The following UGT1A8 variants were observed in gnomAD, a reference collection of about 807,000 sequenced individuals.
UGT1A8 encodes UDP glucuronosyltransferase family 1 member A8, also known as UDP-glucuronosyltransferase 1A8.
UGT1A8 carries 39 observed loss-of-function variants against 45.3 expected under a neutral mutation model. The observed-to-expected ratio is 0.86, with a 90% CI of 0.67 to 1.12. The LOEUF (loss-of-function observed/expected upper bound fraction) is 1.12. Ranked by LOEUF, UGT1A8 falls within the 50% of genes most tolerant of loss-of-function variation. The pLI is 0.00. For missense variants in UGT1A8, 719 were observed against 664.9 expected (o/e 1.08, Z -0.90); for synonymous variants, 275 against 249.2 (o/e 1.10, Z -0.97).
intron 1 of UGT1A8, among the ~76,000 whole-genome samples, chr2:233,732,232 C>T (rs2078252352): frequency 6.6e-6 from 1 of 152,176 alleles, no homozygotes; most frequent in South Asian, 2.1e-4. Flanking sequence ...TTCTCCCATT[C>T]TGTAGGTTGC....
At chr2:233,700,394 T>C (rs1004610351) in intron 1 of UGT1A8, among the ~76,000 whole-genome samples, 4 of 152,194 alleles carry the variant, frequency 2.6e-5, no homozygotes, top group African/African-American at 9.7e-5. Context: ...ATGTGGAACA[T>C]TTTGGCAGCA....
chr2:233,729,482 A>G (rs2077866923), intron 1 of UGT1A8: 1 of 1,614,098 alleles, frequency 6.2e-7, no homozygotes, highest in Non-Finnish European at 8.5e-7. Flanking sequence ...ATGTTGAACA[A>G]TATGTCTTTG....
intron 1 of UGT1A8, chr2:233,713,035 G>A: frequency 5.0e-6 from 8 of 1,613,988 alleles, no homozygotes; most frequent in Non-Finnish European, 6.8e-6. Context: ...CTGGCCACAG[G>A]ACTGCTGCTT....
chr2:233,661,623 T>TTTTCTTTCTCTTTC (rs1553602619), intron 1 of UGT1A8, among the ~76,000 whole-genome samples: 1 of 124,046 alleles, frequency 8.1e-6, no homozygotes, highest in Admixed American at 8.3e-5. Flanking sequence ...ACTTACTGAA[T>TTTTCTTTCTCTTTC]TTTCTTTCTT....
Position 233,725,255 on chromosome 2 carries a change from A to AGAGGCAGAG in UGT1A8, c.856-41768_856-41760dup, listed in dbSNP as rs1488139555. 3.1e-5 allele frequency among the ~76,000 whole-genome samples: 2 copies of AGAGGCAGAG among 63,970 alleles called. 1 individual carries two copies. The highest frequency in any genetic ancestry group is 5.4e-5 in the Non-Finnish European group (2 of 36,928). The allele number at this position is 63,970 out of a possible 152,430, so 42.0% of individuals were successfully genotyped here. A position where few individuals can be genotyped will look rare whatever the true frequency, so the allele number is the denominator to read the frequency against. ...CAGAGGAGGCAGAGGCAGAGGAGGC[A>AGAGGCAGAG]GAGGCAGAGGAGGCAGAGGCAGAGG... is the stretch of plus-strand genomic sequence containing the variant. On this transcript the variant is annotated intron_variant, in intron 1 of 4. Coordinates refer to ENST00000373450, the MANE Select transcript of UGT1A8 (RefSeq NM_019076.5).
At chr2:233,743,936 C>A in intron 1 of UGT1A8, 1 of 1,355,864 alleles carries the variant, frequency 7.4e-7, no homozygotes, top group Non-Finnish European at 9.9e-7. Flanking sequence ...CCAGAACGGC[C>A]CACCAGGCAC....
chr2:233,704,256 C>CA (rs1553607929), intron 1 of UGT1A8, among the ~76,000 whole-genome samples: 1 of 123,680 alleles, frequency 8.1e-6, no homozygotes, highest in Non-Finnish European at 1.6e-5. Flanking sequence ...GCCTTTATTG[C>CA]TTTTTTTTTT....
At chr2:233,628,333 C>T (rs981064812) in intron 1 of UGT1A8, among the ~76,000 whole-genome samples, 1 of 151,674 alleles carries the variant, frequency 6.6e-6, no homozygotes, top group Non-Finnish European at 1.5e-5. Context: ...TTTTTTCAAA[C>T]TGTTAGAAAT....
chr2:233,683,078 C>T (rs1475851543), intron 1 of UGT1A8, among the ~76,000 whole-genome samples: 1 of 152,052 alleles, frequency 6.6e-6, no homozygotes, highest in East Asian at 1.9e-4. Flanking sequence ...AGAAATGAAA[C>T]TTCCCTTTTT....
In UGT1A8 at chr2:233,646,092, A is replaced by C. The variant is rs375138594; in HGVS notation, c.855+27530A>C. 6.8e-4 allele frequency among the ~76,000 whole-genome samples: 104 copies of C among 152,296 alleles called. 1 individual carries two copies. Among genetic ancestry groups the C allele is most frequent in the Non-Finnish European group, 1.0e-4 (7 of 68,016 alleles). On this transcript the variant is annotated intron_variant, in intron 1 of 4. Transcript: ENST00000373450. Reference sequence around the variant, plus strand: ...TGTGCACCCACAGTCTCAACCCCACATGGAAGCTGCCAAGGCTCGGCACTT... The same window carrying C: ...TGTGCACCCACAGTCTCAACCCCACCTGGAAGCTGCCAAGGCTCGGCACTT...
In UGT1A8 at chr2:233,682,143, C is replaced by T. The variant is rs1352852868; in HGVS notation, c.855+63581C>T. The T allele has an allele frequency of 3.7e-6, 6 of 1,614,178 alleles. No individual in the cohort carries two copies. In the East Asian group the frequency reaches 1.3e-4, roughly 36 times the overall value. Reference sequence around the variant, plus strand: ...GAGGTGAGTTGGCAACTGGGAAGATCACTGAATTGCACAGTGAAGACTTAC... The same window carrying T: ...GAGGTGAGTTGGCAACTGGGAAGATTACTGAATTGCACAGTGAAGACTTAC... On this transcript the variant is annotated intron_variant, in intron 1 of 4. Coordinates refer to ENST00000373450, the MANE Select transcript of UGT1A8 (RefSeq NM_019076.5).
intron 1 of UGT1A8, chr2:233,672,168 A>C (rs772241924): frequency 6.2e-7 from 1 of 1,614,162 alleles, no homozygotes; most frequent in East Asian, 2.2e-5. Flanking sequence ...AGACTTATTC[A>C]ACTTCATATA....
chr2:233,758,119 CATAAAT>C (rs775438808), intron 1 of UGT1A8, among the ~76,000 whole-genome samples: 2 of 152,188 alleles, frequency 1.3e-5, no homozygotes, highest in Admixed American at 6.5e-5. Flanking sequence ...TCACACGTTC[CATAAAT>C]ATTTGGCAGA....
intron 1 of UGT1A8, chr2:233,742,040 A>G (rs1442889181): frequency 6.6e-6 from 1 of 151,948 alleles, no homozygotes; most frequent in Non-Finnish European, 1.5e-5. Context: ...TCCCAAGCAT[A>G]GCAATAGGAT....
At chr2:233,747,459 T>C (rs1388403150) in intron 1 of UGT1A8, 44 of 1,608,972 alleles carry the variant, frequency 2.7e-5, no homozygotes, top group Non-Finnish European at 3.4e-5. Context: ...CTATGCCATT[T>C]CATGGACCCA....
rs919221213 is a variant in UGT1A8 at position 233,772,323 on chromosome 2, G to T, written c.1357G>T (p.Asp453Tyr). 1.9e-6 allele frequency: 3 copies of T among 1,614,164 alleles called. No individual in the cohort carries two copies. Among genetic ancestry groups the T allele is most frequent in the Non-Finnish European group, 2.5e-6 (3 of 1,180,042 alleles). Residue 453 changes from aspartate to tyrosine, a missense_variant, in exon 5 of 5, where the codon GAC (aspartate) becomes TAC (tyrosine). Asp to Tyr is a radical substitution (Grantham distance 160). Coordinates refer to ENST00000373450, the MANE Select transcript of UGT1A8 (RefSeq NM_019076.5). Reference protein sequence around the residue: ...LHKDRPVEPLDLAVFWVEFVM... With the variant: ...LHKDRPVEPLYLAVFWVEFVM... ...CAAGGACCGCCCGGTGGAGCCGCTG[G>T]ACCTGGCCGTGTTCTGGGTGGAGTT...
At chr2:233,718,347 A>G (rs1195672744) in intron 1 of UGT1A8, among the ~76,000 whole-genome samples, 2 of 152,214 alleles carry the variant, frequency 1.3e-5, no homozygotes, top group African/African-American at 4.8e-5. Flanking sequence ...TGTCTTTTGG[A>G]TGTGCTGTGT....
At chr2:233,656,661 A>G (rs2073860068) in intron 1 of UGT1A8, among the ~76,000 whole-genome samples, 1 of 151,960 alleles carries the variant, frequency 6.6e-6, no homozygotes, top group Non-Finnish European at 1.5e-5. Flanking sequence ...CTATTTTAAC[A>G]CTAAAGTGGG....
chr2:233,654,001 C>G (rs2073797531), intron 1 of UGT1A8, among the ~76,000 whole-genome samples: 1 of 152,228 alleles, frequency 6.6e-6, no homozygotes, highest in Non-Finnish European at 1.5e-5. Flanking sequence ...TACACACTTA[C>G]TCTTGTGCTA....
Sources: gnomAD v4.1 joint callset for allele counts (sites outside exome capture counted in the v4.1 genomes callset) on GRCh38, gnomAD v4.1.1 for gene constraint, MANE v1.5 for transcripts, NCBI Gene and HGNC (gene_info 2026-07-23, HGNC 2026-07-21) for gene names.